The following PFKFB2 variants were observed in gnomAD, a reference collection of about 807,000 sequenced individuals.
PFKFB2 encodes 6-phosphofructo-2-kinase/fructose-2,6-bisphosphatase 2.
A neutral mutation model predicts 68.0 loss-of-function variants in PFKFB2; 53 were observed. The observed-to-expected ratio is 0.78, with a 90% CI of 0.63 to 0.98. PFKFB2 has a LOEUF of 0.98. PFKFB2 is among the 50% of genes least tolerant of loss of function. The pLI is 0.00. For synonymous variants in PFKFB2, 222 were observed against 227.6 expected, an observed-to-expected ratio of 0.98 and a Z score of 0.22; for missense variants, 451 against 642.0, an observed-to-expected ratio of 0.70 and a Z score of 3.22.
chr1:207,039,273 A>G (rs909748627), intron 1 of PFKFB2, among the ~76,000 whole-genome samples: 21 of 152,218 alleles, frequency 1.4e-4, no homozygotes, highest in African/African-American at 4.6e-4. Context: ...TCATTAGAGA[A>G]AGAGTTATCA....
In PFKFB2 at chr1:207,073,653, C is replaced by T. The variant is rs1438603735; in HGVS notation, c.*1282C>T. 1.0e-6 allele frequency: 1 copy of T among 984,030 alleles called. No homozygotes were observed. Among genetic ancestry groups the T allele is most frequent in the Non-Finnish European group, 1.2e-6 (1 of 828,798 alleles). 61.0% of individuals were successfully genotyped at this position (984,030 alleles called of 1,614,324 possible). On this transcript the variant is annotated 3_prime_UTR_variant, in exon 15 of 15. Transcript: ENST00000367080. ...ATCTCATCTTGATGTCCAGAGAAGT[C>T]CTTGGAACCCTGTGGGATCTAGCTC...
At chr1:207,038,808 C>A (rs1459008288) in intron 1 of PFKFB2, among the ~76,000 whole-genome samples, 2 of 152,172 alleles carry the variant, frequency 1.3e-5, no homozygotes, top group East Asian at 1.9e-4. Flanking sequence ...GATCTCATAG[C>A]ACTTGTATTT....
upstream of PFKFB2, chr1:207,051,162 C>T (rs1682743002): frequency 4.9e-6 from 7 of 1,415,254 alleles, no homozygotes; most frequent in Non-Finnish European, 6.4e-6. Context: ...AGATGTAAAC[C>T]TCCGTATTCC....
chr1:207,071,891 G>A (rs962987504), intron 14 of PFKFB2, among the ~76,000 whole-genome samples: 2 of 152,200 alleles, frequency 1.3e-5, no homozygotes, highest in African/African-American at 4.8e-5. Flanking sequence ...GAGTCCAGAG[G>A]AGCCTATAAG....
At position 207,074,148 on chromosome 1, in the gene PFKFB2, T is replaced by G. The variant is rs957119977; in HGVS notation, c.*1777T>G. The G allele has an allele frequency of 6.1e-6, 6 of 979,344 alleles. No individual in the cohort carries two copies. The highest frequency in any genetic ancestry group is 7.3e-6 in the Non-Finnish European group (6 of 824,370). 60.7% of individuals were successfully genotyped at this position (979,344 alleles called of 1,614,324 possible). On this transcript the variant is annotated 3_prime_UTR_variant, in exon 15 of 15. Coordinates refer to ENST00000367080, the MANE Select transcript of PFKFB2 (RefSeq NM_006212.2). ...TAAGTAGCTTCCCGGATGATTCTGA[T>G]TCATAGCTCGGGTTAAGAACTCCAC...
intron 2 of PFKFB2, among the ~76,000 whole-genome samples, chr1:207,061,198 TATA>T (rs1683105842): frequency 8.5e-6 from 1 of 117,614 alleles, no homozygotes; most frequent in Non-Finnish European, 1.8e-5. Context: ...TATATATATA[TATA>T]TTTTAAGAGA....
Position 207,063,689 on chromosome 1 carries a change from C to T in PFKFB2, c.451-84C>T. On this transcript the variant is annotated intron_variant, in intron 6 of 14. Transcript: ENST00000367080. This position sits in a 1 kb window ranked among gnomAD's most constrained non-coding sequence, Gnocchi z 4.1. ...AAGAAAATCCTGGGAGATGTGGTGG[C>T]TGGGTGGGGTAGATGAGCATGTGCT... 1 of 1,113,770 alleles carries T rather than the reference C, an allele frequency of 9.0e-7. No homozygotes were observed. The highest frequency in any genetic ancestry group is 1.4e-6 in the Non-Finnish European group (1 of 724,994). 69.0% of individuals were successfully genotyped at this position (1,113,770 alleles called of 1,614,324 possible).
chr1:207,066,545 C>CAT (rs1277276195), intron 8 of PFKFB2, among the ~76,000 whole-genome samples: 1 of 152,206 alleles, frequency 6.6e-6, no homozygotes, highest in Non-Finnish European at 1.5e-5. Flanking sequence ...AGAAGATCTA[C>CAT]ATATATATAC....
intron 1 of PFKFB2, among the ~76,000 whole-genome samples, chr1:207,039,050 T>C (rs1157247440): frequency 6.6e-6 from 1 of 152,236 alleles, no homozygotes; most frequent in Non-Finnish European, 1.5e-5. Context: ...CTAGCCAAAT[T>C]CAAGATCATT....
intron 2 of PFKFB2, chr1:207,055,014 G>C (rs1216106718): frequency 8.1e-6 from 4 of 495,894 alleles, no homozygotes; most frequent in Non-Finnish European, 1.5e-5. Flanking sequence ...GTGTAGTCCA[G>C]CAGTTTCTTA....
chr1:207,072,761 G>A lies in PFKFB2; in HGVS notation c.*390G>A, dbSNP rs1240719289. 9.9e-6 allele frequency: 10 copies of A among 1,012,292 alleles called. No individual in the cohort carries two copies. Among genetic ancestry groups the A allele is most frequent in the Non-Finnish European group, 1.2e-5 (10 of 848,038 alleles). 62.7% of individuals were successfully genotyped at this position (1,012,292 alleles called of 1,614,324 possible). On this transcript the variant is annotated 3_prime_UTR_variant, in exon 15 of 15. Coordinates refer to ENST00000367080, the MANE Select transcript of PFKFB2 (RefSeq NM_006212.2). ...TTGGTGAAGTGTTGGGGGATGGAGG[G>A]CGGGTGAGCAGTCGGGGGACAAAAA...
chr1:207,072,484 C>T lies in PFKFB2; in HGVS notation c.*113C>T. The T allele has an allele frequency of 1.4e-6, 2 of 1,479,332 alleles. No homozygotes were observed. The highest frequency in any genetic ancestry group is 1.8e-6 in the Non-Finnish European group (2 of 1,117,112). The allele number at this position is 1,479,332 out of a possible 1,614,324, so 91.6% of individuals were successfully genotyped here. ...GTCATTAACTTCCTCCCTCTATGCC[C>T]ACCCCTGACACTTCACCATTAATCT... On this transcript the variant is annotated 3_prime_UTR_variant, in exon 15 of 15. Transcript: ENST00000367080.
chr1:207,041,265 G>A (rs1246305714), intron 1 of PFKFB2, among the ~76,000 whole-genome samples: 1 of 151,442 alleles, frequency 6.6e-6, no homozygotes, highest in African/African-American at 2.4e-5. Context: ...TTAAGTTCTG[G>A]GATACATGTG....
chr1:207,073,761 C>G lies in PFKFB2; in HGVS notation c.*1390C>G. 4.1e-6 allele frequency: 4 copies of G among 984,528 alleles called. No individual in the cohort carries two copies. The highest frequency in any genetic ancestry group is 4.8e-6 in the Non-Finnish European group (4 of 829,106). 61.0% of individuals were successfully genotyped at this position (984,528 alleles called of 1,614,324 possible). Reference sequence around the variant, plus strand: ...ACAGAAAATGTTTAGGGAAGAAATTCTTAGCCCCTTGATGACCATGATGGC... The same window carrying G: ...ACAGAAAATGTTTAGGGAAGAAATTGTTAGCCCCTTGATGACCATGATGGC... On this transcript the variant is annotated 3_prime_UTR_variant, in exon 15 of 15. Transcript: ENST00000367080.
chr1:207,034,664 C>T (rs1187995421), intron 1 of PFKFB2, among the ~76,000 whole-genome samples: 1 of 152,146 alleles, frequency 6.6e-6, no homozygotes, highest in African/African-American at 2.4e-5. Flanking sequence ...TCTTTCCCTT[C>T]CTCCCTTTCC....
intron 1 of PFKFB2, among the ~76,000 whole-genome samples, chr1:207,037,832 A>G (rs952923863): frequency 6.6e-6 from 1 of 152,214 alleles, no homozygotes; most frequent in African/African-American, 2.4e-5. Context: ...TTTAAACTTT[A>G]TAATTCTCAG....
At chr1:207,059,456 A>G (rs1480357964) in intron 2 of PFKFB2, among the ~76,000 whole-genome samples, 3 of 152,194 alleles carry the variant, frequency 2.0e-5, no homozygotes, top group African/African-American at 4.8e-5. Flanking sequence ...AGCTGATCCC[A>G]TGCAGAGGCT....
At position 207,069,539 on chromosome 1, in the gene PFKFB2, CCTGTCATGTAAAGT is replaced by C. The variant is rs1361917783; in HGVS notation, c.1092+12_1092+25del. On this transcript the variant is annotated intron_variant, in intron 11 of 14. Coordinates refer to ENST00000367080, the MANE Select transcript of PFKFB2 (RefSeq NM_006212.2). ...TATCCTGGTGGGGAGGTAAGACGCC[CCTGTCATGTAAAGT>C]GACTGCCTAGACCCTTGCTGAGTGT... The C allele has an allele frequency of 3.2e-6, 5 of 1,547,812 alleles. No homozygotes were observed. The East Asian group carries it at 1.1e-4, about 35-fold the overall frequency.
chr1:207,061,179 A>T (rs979263856), intron 2 of PFKFB2, among the ~76,000 whole-genome samples: 2 of 77,290 alleles, frequency 2.6e-5, no homozygotes, highest in Non-Finnish European at 2.7e-5. Flanking sequence ...ATATATATAT[A>T]TATATATATA....
Sources: gnomAD v4.1 joint callset for allele counts (sites outside exome capture counted in the v4.1 genomes callset) on GRCh38, gnomAD v4.1.1 for gene constraint, Gnocchi (gnomAD v3.1) non-coding constraint, MANE v1.5 for transcripts, NCBI Gene and HGNC (gene_info 2026-07-23, HGNC 2026-07-21) for gene names.